GRIN2B: variants seen among roughly 807,000 people sequenced by gnomAD.
GRIN2B encodes the protein glutamate receptor ionotropic, NMDA 2B.
In GRIN2B, 5 loss-of-function variants were observed where a neutral mutation model predicts 114.5. That is an observed-to-expected ratio of 0.04 (90% CI 0.02 to 0.09). GRIN2B has a LOEUF of 0.09. GRIN2B is among the 10% of genes least tolerant of loss of function. The pLI is 1.00. For synonymous variants in GRIN2B, 787 were observed against 745.1 expected (o/e 1.06, Z -0.92); for missense variants, 1,108 against 1,943.5 (o/e 0.57, Z 8.08).
chr12:13,778,383 A>T (rs181093906), intron 3 of GRIN2B, among the ~76,000 whole-genome samples: 3 of 152,334 alleles, frequency 2.0e-5, no homozygotes, highest in Non-Finnish European at 4.4e-5. Context: ...GGTGCAAATC[A>T]TATAAAATTA....
At chr12:13,698,875 GT>G (rs775405884) in intron 4 of GRIN2B, among the ~76,000 whole-genome samples, 1 of 152,046 alleles carries the variant, frequency 6.6e-6, no homozygotes, top group East Asian at 1.9e-4. Context: ...TAGAGATGGG[GT>G]TTCACCATGT....
At chr12:13,869,012 G>A (rs938221045) in intron 2 of GRIN2B, among the ~76,000 whole-genome samples, 2 of 152,114 alleles carry the variant, frequency 1.3e-5, no homozygotes, top group Non-Finnish European at 2.9e-5. Flanking sequence ...TGATGCACCT[G>A]CTCTAGGAAG....
chr12:13,653,215 A>T (rs1377892700), intron 5 of GRIN2B, among the ~76,000 whole-genome samples: 2 of 152,144 alleles, frequency 1.3e-5, no homozygotes, highest in Non-Finnish European at 2.9e-5. Flanking sequence ...AGTTAAGTAG[A>T]TTGTGATGCC....
intron 2 of GRIN2B, among the ~76,000 whole-genome samples, chr12:13,973,036 G>T (rs1474018376): frequency 6.6e-6 from 1 of 152,152 alleles, no homozygotes; most frequent in East Asian, 1.9e-4. Flanking sequence ...CCTAGAAGGT[G>T]GGAGGATTAG....
chr12:13,904,759 T>A (rs1039572028), intron 2 of GRIN2B, among the ~76,000 whole-genome samples: 2 of 152,264 alleles, frequency 1.3e-5, no homozygotes, highest in South Asian at 4.1e-4. Context: ...TTTTGACACA[T>A]AAATTTTCTA....
chr12:13,910,870 C>T (rs974053443), intron 2 of GRIN2B, among the ~76,000 whole-genome samples: 2 of 152,168 alleles, frequency 1.3e-5, no homozygotes, highest in African/African-American at 4.8e-5. Flanking sequence ...TTGCCCTTTA[C>T]TTCAAGGTTT....
chr12:13,703,438 T>G (rs569411539), intron 4 of GRIN2B, among the ~76,000 whole-genome samples: 2 of 152,312 alleles, frequency 1.3e-5, no homozygotes, highest in East Asian at 3.9e-4. Context: ...ATAATTTCAC[T>G]TTGTAGAGAC....
intron 5 of GRIN2B, among the ~76,000 whole-genome samples, chr12:13,673,116 A>G (rs1198759763): frequency 2.6e-5 from 4 of 152,184 alleles, no homozygotes; most frequent in African/African-American, 9.6e-5. Flanking sequence ...AGACGTATGG[A>G]CAAAATCTAT....
intron 2 of GRIN2B, among the ~76,000 whole-genome samples, chr12:13,884,248 T>C (rs1430006101): frequency 7.2e-6 from 1 of 138,394 alleles, no homozygotes; most frequent in African/African-American, 2.5e-5. Flanking sequence ...AATCAGCTGT[T>C]AATTCCTACA....
At chr12:13,952,744 CTATTTA>C (rs1413617801) in intron 2 of GRIN2B, among the ~76,000 whole-genome samples, 24 of 151,894 alleles carry the variant, frequency 1.6e-4, no homozygotes, top group African/African-American at 5.8e-4. Context: ...GTTAGAACTT[CTATTTA>C]TATTTATTTT....
At chr12:13,612,938 AG>A (rs558060569) in intron 8 of GRIN2B, among the ~76,000 whole-genome samples, 1 of 152,252 alleles carries the variant, frequency 6.6e-6, no homozygotes, top group Non-Finnish European at 1.5e-5. Flanking sequence ...AAGTTTAAAA[AG>A]GGGAAAAATT....
intron 2 of GRIN2B, among the ~76,000 whole-genome samples, chr12:13,893,242 A>G (rs940612970): frequency 2.0e-5 from 3 of 152,198 alleles, no homozygotes; most frequent in African/African-American, 7.2e-5. Flanking sequence ...TAGGGCTTAC[A>G]TACACATTGA....
intron 4 of GRIN2B, among the ~76,000 whole-genome samples, chr12:13,732,950 G>C (rs1415706353): frequency 6.6e-6 from 1 of 152,204 alleles, no homozygotes; most frequent in Admixed American, 6.5e-5. Context: ...GCAATGGTGA[G>C]TGAAACAGAC....
intron 5 of GRIN2B, among the ~76,000 whole-genome samples, chr12:13,621,613 G>GTTTTTTTT (rs869106790): frequency 1.4e-5 from 1 of 72,368 alleles, no homozygotes; most frequent in African/African-American, 5.6e-5. Context: ...CCTAGTTTTT[G>GTTTTTTTT]TTTTTTTTTT....
At chr12:13,686,214 TTTAG>T (rs2136551963) in intron 4 of GRIN2B, among the ~76,000 whole-genome samples, 1 of 152,284 alleles carries the variant, frequency 6.6e-6, no homozygotes, top group African/African-American at 2.4e-5. Context: ...TATTTATGTA[TTTAG>T]TTAAAGATAT....
At chr12:13,684,568 T>A (rs1950160280) in intron 4 of GRIN2B, among the ~76,000 whole-genome samples, 2 of 152,156 alleles carry the variant, frequency 1.3e-5, no homozygotes, top group Admixed American at 6.6e-5. Context: ...TAGACAATGC[T>A]AGAAAGGTAG....
chr12:13,797,791 G>C (rs2136671537), intron 3 of GRIN2B, among the ~76,000 whole-genome samples: 1 of 152,308 alleles, frequency 6.6e-6, no homozygotes, highest in Non-Finnish European at 1.5e-5. Context: ...TTATAAAAAA[G>C]TGTTGTCTAA....
At chr12:13,830,395 T>C (rs558157148) in intron 3 of GRIN2B, among the ~76,000 whole-genome samples, 1 of 152,352 alleles carries the variant, frequency 6.6e-6, no homozygotes, top group South Asian at 2.1e-4. Flanking sequence ...CTTCTAGATT[T>C]ATGATCCTGC....
chr12:13,581,307 G>T (rs1292734002), intron 10 of GRIN2B, among the ~76,000 whole-genome samples: 1 of 152,126 alleles, frequency 6.6e-6, no homozygotes, highest in Non-Finnish European at 1.5e-5. Flanking sequence ...TAGCCCAGGG[G>T]TGTTGCACCA....
Sources: allele counts gnomAD v4.1 joint callset (sites outside exome capture counted in the v4.1 genomes callset), GRCh38; gene constraint gnomAD v4.1.1; transcripts MANE v1.5; gene names NCBI Gene and HGNC (gene_info 2026-07-23, HGNC 2026-07-21).